The following MKLN1 variants were observed in gnomAD, a reference collection of about 807,000 sequenced individuals.
MKLN1 encodes the protein muskelin 1.
Under a neutral mutation model 99.0 loss-of-function variants are expected in MKLN1, and 18 were observed. The ratio of observed to expected loss-of-function variants is 0.18; its 90% CI spans 0.13 to 0.27. The LOEUF (loss-of-function observed/expected upper bound fraction) is 0.27. MKLN1 is among the 10% of genes least tolerant of loss of function. The pLI, the probability that MKLN1 is intolerant of heterozygous loss-of-function variation, is 1.00. For missense variants in MKLN1, 621 were observed against 875.9 expected (o/e 0.71, Z 3.67); for synonymous variants, 288 against 293.2 (o/e 0.98, Z 0.18).
intron 3 of MKLN1, among the ~76,000 whole-genome samples, chr7:131,230,327 GC>G (rs1264415435): frequency 6.6e-6 from 1 of 152,100 alleles, no homozygotes; most frequent in Non-Finnish European, 1.5e-5. Flanking sequence ...ATTTTCTGGG[GC>G]CCCCTTGGCC....
At chr7:131,194,153 T>C (rs1371197064) in intron 2 of MKLN1, among the ~76,000 whole-genome samples, 1 of 151,986 alleles carries the variant, frequency 6.6e-6, no homozygotes, top group Middle Eastern at 3.2e-3. Context: ...CCCAGACAAT[T>C]ACCTATTTTA....
intron 12 of MKLN1, among the ~76,000 whole-genome samples, chr7:131,447,146 G>A (rs1385818035): frequency 1.3e-5 from 2 of 152,192 alleles, no homozygotes; most frequent in African/African-American, 2.4e-5. Flanking sequence ...CAAAAATTGG[G>A]ATGAAATATA....
At chr7:131,297,285 C>T (rs1019318337) in intron 3 of MKLN1, among the ~76,000 whole-genome samples, 20 of 152,044 alleles carry the variant, frequency 1.3e-4, no homozygotes, top group African/African-American at 4.3e-4. Flanking sequence ...CGCTTGAACC[C>T]GGGAGGTGGA....
intron 2 of MKLN1, among the ~76,000 whole-genome samples, chr7:131,201,673 C>G (rs1796730479): frequency 6.6e-6 from 1 of 152,198 alleles, no homozygotes; most frequent in South Asian, 2.1e-4. Context: ...AAGCAAATTT[C>G]ACATAATGCT....
In MKLN1 at chr7:131,437,933, C is replaced by G. The variant is rs1354444934; in HGVS notation, c.1109C>G (p.Thr370Arg). 2 of 1,613,784 alleles carry G rather than the reference C, an allele frequency of 1.2e-6. No homozygotes were observed. Among genetic ancestry groups the G allele is most frequent in the Non-Finnish European group, 1.7e-6 (2 of 1,179,882 alleles). The part of the protein sequence containing the change: ...DFYRYDIDTN[T>R]WMLLSEDTAA... The stretch of plus-strand genomic sequence containing the variant: ...TATCGTTATGACATTGATACAAACA[C>G]ATGGATGTTACTAAGTGAGGATACT... Residue 370 changes from threonine (T) to arginine (R), a missense_variant, in exon 10 of 18, where the codon ACA (threonine) becomes AGA (arginine). Transcript: ENST00000352689.
chr7:131,117,918 G>C (rs1310926690), intron 1 of MKLN1, among the ~76,000 whole-genome samples: 1 of 152,222 alleles, frequency 6.6e-6, no homozygotes, highest in Non-Finnish European at 1.5e-5. Context: ...GAGGTGTCAA[G>C]ACCATGACTA....
In MKLN1 at chr7:131,130,936, C is replaced by A. The variant is rs547509666; in HGVS notation, c.-418-11884C>A. On this transcript the variant is annotated intron_variant, in intron 1 of 7. Coordinates refer to the MKLN1 transcript ENST00000416992. ...GTATGGTGGCATGCAAGTAGCCTCC[C>A]AGCTACTTGGGAGGCTGAGGTGGGA... 2.7e-3 allele frequency among the ~76,000 whole-genome samples: 412 copies of A among 150,590 alleles called. 2 individuals are homozygous for A. Among genetic ancestry groups the A allele is most frequent in the African/African-American group, 9.5e-3 (389 of 40,974 alleles).
chr7:131,198,281 C>T (rs1796678225), intron 2 of MKLN1, among the ~76,000 whole-genome samples: 1 of 152,188 alleles, frequency 6.6e-6, no homozygotes, highest in Admixed American at 6.5e-5. Context: ...GGAACCTTGT[C>T]TTAAACTATA....
At chr7:131,483,275 T>C (rs1394173557) in intron 17 of MKLN1, among the ~76,000 whole-genome samples, 1 of 152,174 alleles carries the variant, frequency 6.6e-6, no homozygotes, top group Non-Finnish European at 1.5e-5. Flanking sequence ...TGATTACATA[T>C]AAAGCTTAGA....
chr7:131,179,328 T>C (rs1796345656), intron 2 of MKLN1, among the ~76,000 whole-genome samples: 1 of 152,136 alleles, frequency 6.6e-6, no homozygotes, highest in African/African-American at 2.4e-5. Context: ...GGTCAGCACT[T>C]CCTAGATTCC....
chr7:131,124,642 A>C (rs1172293788), intron 1 of MKLN1, among the ~76,000 whole-genome samples: 1 of 152,002 alleles, frequency 6.6e-6, no homozygotes, highest in African/African-American at 2.4e-5. Flanking sequence ...CCCTCTGCCC[A>C]ATATGGGTTT....
intron 3 of MKLN1, among the ~76,000 whole-genome samples, chr7:131,276,854 A>T (rs1797982556): frequency 6.6e-6 from 1 of 152,180 alleles, no homozygotes; most frequent in Admixed American, 6.5e-5. Context: ...CTGACTTTTG[A>T]GGAGGAGTAT....
chr7:131,486,230 A>T (rs1347760181), intron 17 of MKLN1, among the ~76,000 whole-genome samples: 1 of 148,918 alleles, frequency 6.7e-6, no homozygotes, highest in East Asian at 2.0e-4. Flanking sequence ...CAAAATAAAA[A>T]GTTGAAAAAG....
intron 1 of MKLN1, among the ~76,000 whole-genome samples, chr7:131,137,683 T>C (rs1584784768): frequency 6.6e-6 from 1 of 152,034 alleles, no homozygotes; most frequent in African/African-American, 2.4e-5. Context: ...CATGCAATTC[T>C]CCTGCCTCAG....
At chr7:131,244,538 CCTGCTTATAA>C in intron 3 of MKLN1, among the ~76,000 whole-genome samples, 1 of 152,152 alleles carries the variant, frequency 6.6e-6, no homozygotes, top group Non-Finnish European at 1.5e-5. Flanking sequence ...CTTTTGTCTC[CCTGCTTATAA>C]CTGGTTTCCT....
At chr7:131,174,970 GATA>G (rs1796272005) in intron 2 of MKLN1, among the ~76,000 whole-genome samples, 2 of 145,914 alleles carry the variant, frequency 1.4e-5, no homozygotes, top group East Asian at 4.0e-4. Context: ...TAGATAGATA[GATA>G]GATAGATAGA....
chr7:131,374,252 T>G (rs940100070), intron 1 of MKLN1, among the ~76,000 whole-genome samples: 2 of 152,174 alleles, frequency 1.3e-5, no homozygotes, highest in African/African-American at 4.8e-5. Flanking sequence ...GAGAGTGGTA[T>G]GTGGAAACAT....
chr7:131,215,701 T>A lies in MKLN1; in HGVS notation c.-179+12727T>A, dbSNP rs1196467822. Among the ~76,000 whole-genome samples the A allele has an allele frequency of 2.0e-5, 3 of 152,370 alleles. No homozygotes were observed. In the East Asian group the frequency reaches 5.8e-4, roughly 29 times the overall value. ...ATATTCTTCATAAACGATTACATTATCCAAACAAGGAGAGTTTGTCTTTTC... is the reference window on the plus strand; with the variant it reads ...ATATTCTTCATAAACGATTACATTAACCAAACAAGGAGAGTTTGTCTTTTC... On this transcript the variant is annotated intron_variant, in intron 3 of 7. Transcript: ENST00000416992.
intron 8 of MKLN1, among the ~76,000 whole-genome samples, chr7:131,423,685 C>A (rs1431906218): frequency 1.3e-5 from 2 of 152,104 alleles, no homozygotes; most frequent in African/African-American, 2.4e-5. Flanking sequence ...TCTTGATGTT[C>A]CTTAAAGAAA....
Sources: gnomAD v4.1 joint callset for allele counts (sites outside exome capture counted in the v4.1 genomes callset) on GRCh38, gnomAD v4.1.1 for gene constraint, MANE v1.5 for transcripts, NCBI Gene and HGNC (gene_info 2026-07-23, HGNC 2026-07-21) for gene names.